HDHD2: variants seen among roughly 807,000 people sequenced by gnomAD.
HDHD2 encodes the protein haloacid dehalogenase-like hydrolase domain-containing protein 2.
A neutral mutation model predicts 24.8 loss-of-function variants in HDHD2; 26 were observed. The ratio of observed to expected loss-of-function variants is 1.05; its 90% CI spans 0.77 to 1.45. HDHD2 has a LOEUF of 1.45. Among genes scored for constraint, HDHD2 ranks in the 40% most tolerant of loss-of-function variants. The probability of loss-of-function intolerance (pLI) is 0.00; values close to 1 mark genes in which losing one functional copy is unlikely to be tolerated. For missense variants in HDHD2, 299 were observed against 313.4 expected, an observed-to-expected ratio of 0.95 and a Z score of 0.35; for synonymous variants, 128 against 114.9, an observed-to-expected ratio of 1.11 and a Z score of -0.73.
intron 4 of HDHD2, among the ~76,000 whole-genome samples, chr18:47,121,222 G>A (rs2063603526): frequency 6.6e-6 from 1 of 152,140 alleles, no homozygotes; most frequent in African/African-American, 2.4e-5. Flanking sequence ...GAAGCATGTG[G>A]AAATGAAATT....
chr18:47,108,579 C>G lies in HDHD2; in HGVS notation c.*103G>C. The G allele has an allele frequency of 1.6e-6, 1 of 616,866 alleles. No homozygotes were observed. Among genetic ancestry groups the G allele is most frequent in the Non-Finnish European group, 2.9e-6 (1 of 349,732 alleles). 38.2% of individuals were successfully genotyped at this position (616,866 alleles called of 1,614,324 possible). A position where few individuals can be genotyped will look rare whatever the true frequency, so the allele number is the denominator to read the frequency against. On this transcript the variant is annotated 3_prime_UTR_variant, in exon 7 of 7. Transcript: ENST00000300605. The stretch of plus-strand genomic sequence containing the variant: ...CAACAAAAGAGGGTTAAAAAGCGAT[C>G]AGCACTGACTGGTGTCTACCGATGC...
intron 1 of HDHD2, among the ~76,000 whole-genome samples, chr18:47,149,846 G>A (rs2063912268): frequency 1.3e-5 from 2 of 152,312 alleles, no homozygotes; most frequent in Non-Finnish European, 1.5e-5. Flanking sequence ...ATAAGGGACT[G>A]TGTTGCCTTT....
intron 1 of HDHD2, among the ~76,000 whole-genome samples, chr18:47,148,139 C>T (rs2063892047): frequency 6.6e-6 from 1 of 152,062 alleles, no homozygotes; most frequent in African/African-American, 2.4e-5. Context: ...CACAGGTGTG[C>T]ACCACCACGC....
intron 3 of HDHD2, among the ~76,000 whole-genome samples, chr18:47,131,731 T>A (rs16948713): frequency 6.6e-6 from 1 of 152,268 alleles, no homozygotes; most frequent in Non-Finnish European, 1.5e-5. Context: ...TGCTTTTTCC[T>A]ATATATACCT....
intron 3 of HDHD2, among the ~76,000 whole-genome samples, chr18:47,132,309 T>C (rs2063721002): frequency 6.6e-6 from 1 of 152,230 alleles, no homozygotes; most frequent in African/African-American, 2.4e-5. Context: ...GCATTCCATT[T>C]TGTGAATATA....
At chr18:47,113,517 T>C (rs2063533015) in intron 5 of HDHD2, among the ~76,000 whole-genome samples, 1 of 152,200 alleles carries the variant, frequency 6.6e-6, no homozygotes, top group Non-Finnish European at 1.5e-5. Flanking sequence ...TAAATCCAGA[T>C]ACTTAAACAG....
rs533044645 is a variant in HDHD2 at position 47,124,655 on chromosome 18, G to A, written c.395+5589C>T. Among the ~76,000 whole-genome samples, 49 of 128,264 alleles carry A rather than the reference G, an allele frequency of 3.8e-4. 1 individual carries two copies. Among genetic ancestry groups the A allele is most frequent in the African/African-American group, 1.3e-3 (43 of 34,234 alleles). 84.1% of individuals were successfully genotyped at this position (128,264 alleles called of 152,430 possible). A position where few individuals can be genotyped will look rare whatever the true frequency, so the allele number is the denominator to read the frequency against. ...CGGGAGGCAGAGGTTGCAGTGAGCC[G>A]AGATTACACCATTGCACTCCAACCT... On this transcript the variant is annotated intron_variant, in intron 4 of 6. Transcript: ENST00000300605.
chr18:47,124,856 C>G (rs1259315957), intron 4 of HDHD2, among the ~76,000 whole-genome samples: 1 of 151,748 alleles, frequency 6.6e-6, no homozygotes, highest in East Asian at 1.9e-4. Context: ...CAGCATTACT[C>G]ATCAGAGAAA....
At chr18:47,108,973 A>C (rs2063494502) in intron 6 of HDHD2, 188 bp from the exon 7 acceptor site, 2 of 554,246 alleles carry the variant, frequency 3.6e-6, no homozygotes, top group Middle Eastern at 3.2e-4. Context: ...GAAATGTCAC[A>C]TTCAGCCTTT....
At position 47,144,925 on chromosome 18, in the gene HDHD2, AAC is replaced by A. The variant is rs2063854643; in HGVS notation, c.-11+5451_-11+5452del. Among the ~76,000 whole-genome samples, 3 of 152,208 alleles carry A rather than the reference AAC, an allele frequency of 2.0e-5. No individual in the cohort carries two copies. The South Asian group carries it at 6.2e-4, about 32-fold the overall frequency. On this transcript the variant is annotated intron_variant, in intron 1 of 6. Transcript: ENST00000300605. ...ATGGTAAGGGAGAACCTACACAAAC[AAC>A]AGACTGCATAAGCAGCCCTATAAGG...
intron 4 of HDHD2, among the ~76,000 whole-genome samples, chr18:47,128,012 G>A (rs1358129677): frequency 6.6e-6 from 1 of 151,922 alleles, no homozygotes; most frequent in Non-Finnish European, 1.5e-5. Flanking sequence ...TACAGCTGCA[G>A]TCATTGGTTG....
intron 3 of HDHD2, among the ~76,000 whole-genome samples, chr18:47,133,140 C>T (rs191230630): frequency 2.3e-4 from 35 of 151,334 alleles, no homozygotes; most frequent in African/African-American, 4.1e-4. Flanking sequence ...CGCTATCCCT[C>T]CCCACTCCCC....
intron 4 of HDHD2, among the ~76,000 whole-genome samples, chr18:47,126,669 C>T (rs555944229): frequency 2.0e-5 from 3 of 152,120 alleles, no homozygotes; most frequent in South Asian, 4.2e-4. Flanking sequence ...TTTTAATAAG[C>T]TACTCTAGGA....
intron 4 of HDHD2, among the ~76,000 whole-genome samples, chr18:47,122,987 C>T (rs371011073): frequency 2.6e-5 from 4 of 152,066 alleles, no homozygotes; most frequent in South Asian, 2.1e-4. Context: ...AAAGTTCTAC[C>T]CCTGAATTTA....
At chr18:47,121,648 TCATGGCAACCAG>T (rs1234605130) in intron 4 of HDHD2, among the ~76,000 whole-genome samples, 1 of 152,176 alleles carries the variant, frequency 6.6e-6, no homozygotes, top group African/African-American at 2.4e-5. Flanking sequence ...TAATAGCTTC[TCATGGCAACCAG>T]CATAAAATCC....
chr18:47,133,417 C>G (rs1456848101), intron 3 of HDHD2, among the ~76,000 whole-genome samples: 1 of 150,914 alleles, frequency 6.6e-6, no homozygotes, highest in Non-Finnish European at 1.5e-5. Context: ...TGGGTTGGTT[C>G]CAAGTCTTTG....
At chr18:47,135,832 A>G (rs2063760791) in intron 2 of HDHD2, among the ~76,000 whole-genome samples, 1 of 152,206 alleles carries the variant, frequency 6.6e-6, no homozygotes, top group South Asian at 2.1e-4. Flanking sequence ...TGGTTGGTAC[A>G]TGAGAAATAT....
At chr18:47,121,552 T>C (rs892162894) in intron 4 of HDHD2, among the ~76,000 whole-genome samples, 1 of 152,248 alleles carries the variant, frequency 6.6e-6, no homozygotes, top group African/African-American at 2.4e-5. Context: ...CTTGACCTAT[T>C]ACTCCAATCC....
intron 4 of HDHD2, among the ~76,000 whole-genome samples, chr18:47,122,607 T>C (rs989234915): frequency 6.6e-6 from 1 of 151,968 alleles, no homozygotes; most frequent in Non-Finnish European, 1.5e-5. Context: ...ACATAAACTA[T>C]CAAAAGTTCA....
Sources: gnomAD v4.1 joint callset for allele counts (sites outside exome capture counted in the v4.1 genomes callset) on GRCh38, gnomAD v4.1.1 for gene constraint, MANE v1.5 for transcripts, NCBI Gene and HGNC (gene_info 2026-07-23, HGNC 2026-07-21) for gene names.